The following GABRA3 variants were observed in gnomAD, a reference collection of about 807,000 sequenced individuals.
The protein encoded by GABRA3 is gamma-aminobutyric acid receptor subunit alpha-3.
In GABRA3, 10 loss-of-function variants were observed where a neutral mutation model predicts 30.1. That is an observed-to-expected ratio of 0.33 (90% confidence interval 0.20 to 0.56). The LOEUF (loss-of-function observed/expected upper bound fraction) is 0.56. Ranked by LOEUF, GABRA3 falls within the 20% of genes least tolerant of loss-of-function variation. GABRA3 has a pLI of 0.89. For synonymous variants in GABRA3, 151 were observed against 146.8 expected (o/e 1.03, Z -0.21); for missense variants, 233 against 392.0 (o/e 0.59, Z 3.42).
At chrX:152,370,834 ATTC>A (rs1569410695) in intron 1 of GABRA3, among the ~76,000 whole-genome samples, 1 of 110,757 alleles carries the variant, frequency 9.0e-6, no homozygotes, top group African/African-American at 3.3e-5. Flanking sequence ...CATACTGTCA[ATTC>A]TTCTACCCAC....
At chrX:152,348,004 T>G (rs908688474) in intron 2 of GABRA3, among the ~76,000 whole-genome samples, 1 of 111,295 alleles carries the variant, frequency 9.0e-6, no homozygotes, top group Non-Finnish European at 1.9e-5. Flanking sequence ...CTAAAATAAA[T>G]AAATAAATAA....
intron 2 of GABRA3, among the ~76,000 whole-genome samples, chrX:152,350,605 G>A (rs755755795): frequency 5.4e-5 from 6 of 111,101 alleles, no homozygotes; most frequent in African/African-American, 2.0e-4. Context: ...CTGAAGTCTC[G>A]AACCCCTCAA....
intron 1 of GABRA3, among the ~76,000 whole-genome samples, chrX:152,445,060 CAAAAAAAAAA>C (rs1204814043): frequency 4.4e-3 from 82 of 18,714 alleles, no homozygotes; most frequent in African/African-American, 0.012. Flanking sequence ...GACTCCGTCT[CAAAAAAAAAA>C]AAAAAAAAAA....
intron 5 of GABRA3, among the ~76,000 whole-genome samples, chrX:152,236,497 T>TG (rs1392037387): frequency 7.5e-5 from 7 of 93,053 alleles, no homozygotes; most frequent in Admixed American, 2.5e-4. Flanking sequence ...TATAGTCCTT[T>TG]GGGTATATAC....
chrX:152,312,649 C>A (rs1939815437), intron 3 of GABRA3, among the ~76,000 whole-genome samples: 1 of 111,931 alleles, frequency 8.9e-6, no homozygotes, highest in Admixed American at 9.5e-5. Flanking sequence ...CCTAATTAAA[C>A]TGATGAGCTT....
At chrX:152,187,929 TG>T (rs987288009) in intron 9 of GABRA3, among the ~76,000 whole-genome samples, 2 of 112,131 alleles carry the variant, frequency 1.8e-5, no homozygotes, top group African/African-American at 6.5e-5. Flanking sequence ...AAAAAGAGAA[TG>T]TGACCCATGG....
chrX:152,301,521 C>T (rs1939629748), intron 3 of GABRA3, among the ~76,000 whole-genome samples: 1 of 110,969 alleles, frequency 9.0e-6, no homozygotes, highest in African/African-American at 3.3e-5. Context: ...ACAACCTTGT[C>T]CTATGTTTTT....
At chrX:152,319,550 C>T (rs917139465) in intron 3 of GABRA3, among the ~76,000 whole-genome samples, 4 of 111,775 alleles carry the variant, frequency 3.6e-5, no homozygotes, top group Non-Finnish European at 7.5e-5. Context: ...ACTCGGTCCT[C>T]ATCTCTCACC....
intron 3 of GABRA3, among the ~76,000 whole-genome samples, chrX:152,290,143 AG>A (rs149671887): frequency 0.11 from 11,819 of 111,530 alleles, 503 homozygotes; most frequent in South Asian, 0.13. Flanking sequence ...ACAATGTAAA[AG>A]TATTCCTATT....
intron 4 of GABRA3, among the ~76,000 whole-genome samples, chrX:152,265,428 T>C (rs966640968): frequency 9.0e-6 from 1 of 111,156 alleles, no homozygotes; most frequent in Admixed American, 9.5e-5. Flanking sequence ...AAGAGAGAAA[T>C]TGAAAAATTC....
intron 3 of GABRA3, among the ~76,000 whole-genome samples, chrX:152,292,553 T>C (rs1353885524): frequency 1.8e-5 from 2 of 111,778 alleles, no homozygotes. Context: ...GCTCCTTCAG[T>C]TCTGCTCTGA....
chrX:152,211,260 CTT>C (rs1937626477), intron 6 of GABRA3, among the ~76,000 whole-genome samples: 1 of 109,169 alleles, frequency 9.2e-6, no homozygotes, highest in Non-Finnish European at 1.9e-5. Flanking sequence ...TGCTGGATCT[CTT>C]AACTTAAGTT....
At chrX:152,274,356 T>G (rs948000688) in intron 4 of GABRA3, among the ~76,000 whole-genome samples, 3 of 109,874 alleles carry the variant, frequency 2.7e-5, no homozygotes, top group Non-Finnish European at 3.8e-5. Flanking sequence ...TAACACTTAG[T>G]AAAACACACA....
intron 6 of GABRA3, among the ~76,000 whole-genome samples, chrX:152,214,262 G>A (rs1190882186): frequency 1.8e-5 from 2 of 111,258 alleles, no homozygotes; most frequent in Non-Finnish European, 3.8e-5. Context: ...CCTTTTTATG[G>A]CTGAGTAGTA....
At chrX:152,387,230 T>C (rs1486361268) in intron 1 of GABRA3, among the ~76,000 whole-genome samples, 1 of 109,259 alleles carries the variant, frequency 9.2e-6, no homozygotes, top group Non-Finnish European at 1.9e-5. Flanking sequence ...CACACCAGCA[T>C]GGCACATGTG....
intron 8 of GABRA3, 33 bp downstream of exon 8, chrX:152,197,600 A>T (rs745935252): frequency 1.2e-5 from 14 of 1,157,987 alleles, no homozygotes; most frequent in Admixed American, 2.3e-5. Context: ...GCATGATAAG[A>T]CTTTCCCCTA....
intron 4 of GABRA3, among the ~76,000 whole-genome samples, chrX:152,268,665 T>G (rs1481552432): frequency 8.9e-6 from 1 of 111,954 alleles, no homozygotes; most frequent in Non-Finnish European, 1.9e-5. Context: ...TCTTCTGGGC[T>G]CAAGTGATCC....
intron 2 of GABRA3, among the ~76,000 whole-genome samples, chrX:152,359,511 T>A (rs1296774878): frequency 3.6e-5 from 4 of 111,262 alleles, no homozygotes; most frequent in Non-Finnish European, 7.5e-5. Flanking sequence ...AACACACTCC[T>A]GGACTTAATC....
chrX:152,330,514 C>T (rs1199798247), intron 3 of GABRA3, among the ~76,000 whole-genome samples: 2 of 111,826 alleles, frequency 1.8e-5, no homozygotes, highest in South Asian at 7.5e-4. Flanking sequence ...CAATAGTATG[C>T]AGCCATAAAA....
Sources: gnomAD v4.1 joint callset for allele counts (sites outside exome capture counted in the v4.1 genomes callset) on GRCh38, gnomAD v4.1.1 for gene constraint, MANE v1.5 for transcripts, NCBI Gene and HGNC (gene_info 2026-07-23, HGNC 2026-07-21) for gene names.